Variants in ST8SIA6 observed in about 807,000 individuals in gnomAD.
The protein encoded by ST8SIA6 is alpha-2,8-sialyltransferase 8F.
ST8SIA6 carries 39 observed loss-of-function variants against 33.6 expected under a neutral mutation model. The observed-to-expected ratio is 1.16, with a 90% CI of 0.90 to 1.52. The LOEUF (loss-of-function observed/expected upper bound fraction) is 1.52. Ranked by LOEUF, ST8SIA6 falls within the 40% of genes most tolerant of loss-of-function variation. The probability of loss-of-function intolerance (pLI) is 0.00; values close to 1 mark genes in which losing one functional copy is unlikely to be tolerated. For missense variants in ST8SIA6, 441 were observed against 443.8 expected, an observed-to-expected ratio of 0.99 and a Z score of 0.06; for synonymous variants, 172 against 167.2, an observed-to-expected ratio of 1.03 and a Z score of -0.22.
chr10:17,450,389 C>G (rs1423465377), intron 2 of ST8SIA6, among the ~76,000 whole-genome samples: 1 of 152,188 alleles, frequency 6.6e-6, no homozygotes, highest in African/African-American at 2.4e-5. Context: ...AGTTTCAACT[C>G]TTGACCGCTG....
chr10:17,329,449 G>A (rs1010084954), intron 5 of ST8SIA6, among the ~76,000 whole-genome samples: 2 of 152,098 alleles, frequency 1.3e-5, no homozygotes, highest in African/African-American at 4.8e-5. Flanking sequence ...GGTTATATCT[G>A]CAATGGCTAG....
chr10:17,392,351 C>T (rs1190447949), intron 2 of ST8SIA6, among the ~76,000 whole-genome samples: 2 of 152,012 alleles, frequency 1.3e-5, no homozygotes, highest in African/African-American at 2.4e-5. Flanking sequence ...GTGGGTAGTG[C>T]GTTCAAGGCA....
intron 3 of ST8SIA6, among the ~76,000 whole-genome samples, chr10:17,381,348 G>C (rs1850144974): frequency 6.6e-6 from 1 of 152,086 alleles, no homozygotes; most frequent in Admixed American, 6.5e-5. Flanking sequence ...TAGGAAAAAG[G>C]GGGTGGGGTT....
rs1018658232 is a variant in ST8SIA6, at chr10:17,321,074, A to G, written c.1001T>C (p.Leu334Pro). The G allele has an allele frequency of 1.4e-5, 23 of 1,614,106 alleles. No homozygotes were observed. The highest frequency in any genetic ancestry group is 1.9e-5 in the Non-Finnish European group (23 of 1,179,992). The stretch of plus-strand genomic sequence containing the variant: ...TCCATACAGCTTCACATTTTTACAC[A>G]GTTCCACTGCAACACTTGTGATCAT... ...GLMITSVAVE[L>P]CKNVKLYGFW... Residue 334 changes from leucine to proline, a missense_variant, in exon 8 of 8, where the codon CTG becomes CCG. Coordinates refer to ENST00000377602, the MANE Select transcript of ST8SIA6 (RefSeq NM_001004470.3).
chr10:17,389,210 G>A (rs944926182), intron 3 of ST8SIA6, among the ~76,000 whole-genome samples: 3 of 152,088 alleles, frequency 2.0e-5, no homozygotes, highest in African/African-American at 4.8e-5. Context: ...CCGATCCAAC[G>A]CTCAGGGAGA....
intron 4 of ST8SIA6, among the ~76,000 whole-genome samples, chr10:17,357,837 T>C (rs186725717): frequency 5.9e-5 from 9 of 152,352 alleles, no homozygotes; most frequent in Admixed American, 3.3e-4. Context: ...TTATCTTAGA[T>C]TGATCCTCAA....
chr10:17,399,044 TA>T (rs2131675529), intron 2 of ST8SIA6: 1 of 152,364 alleles, frequency 6.6e-6, no homozygotes, highest in Non-Finnish European at 1.5e-5. Context: ...TTCTGATTTA[TA>T]AATCGTCTTG....
intron 2 of ST8SIA6, among the ~76,000 whole-genome samples, chr10:17,437,180 A>G (rs2131729252): frequency 6.6e-6 from 1 of 152,208 alleles, no homozygotes; most frequent in African/African-American, 2.4e-5. Flanking sequence ...TATATTTGAG[A>G]CAGGGTCTTG....
intron 3 of ST8SIA6, among the ~76,000 whole-genome samples, chr10:17,379,393 T>C (rs879823694): frequency 2.0e-5 from 3 of 152,104 alleles, no homozygotes; most frequent in Non-Finnish European, 4.4e-5. Flanking sequence ...CTTCTTTCAG[T>C]CAAGGATGTA....
At chr10:17,322,394 T>C (rs148686644) in intron 7 of ST8SIA6, among the ~76,000 whole-genome samples, 45 of 152,296 alleles carry the variant, frequency 3.0e-4, no homozygotes, top group African/African-American at 1.0e-3. Context: ...ATGTGTATGA[T>C]TTAAATAACT....
At chr10:17,343,992 T>A (rs969475903) in intron 4 of ST8SIA6, among the ~76,000 whole-genome samples, 1 of 152,182 alleles carries the variant, frequency 6.6e-6, no homozygotes, top group African/African-American at 2.4e-5. Flanking sequence ...CCTGTTGTTG[T>A]CCCCATTTTT....
rs1176185093 is a variant in ST8SIA6 at position 17,315,821 on chromosome 10, C to T, written c.*5057G>A. Reference sequence around the variant, plus strand: ...TTGGGGTAATGAATATATACATTGTCTTAATTGGAGAGACGGTTTCATGGG... The same window carrying T: ...TTGGGGTAATGAATATATACATTGTTTTAATTGGAGAGACGGTTTCATGGG... On this transcript the variant is annotated 3_prime_UTR_variant, in exon 8 of 8. Coordinates refer to ENST00000377602, the MANE Select transcript of ST8SIA6 (RefSeq NM_001004470.3). Among the ~76,000 whole-genome samples, 2 of 151,828 alleles carry T rather than the reference C, an allele frequency of 1.3e-5. No homozygotes were observed. The highest frequency in any genetic ancestry group is 1.3e-4 in the Admixed American group (2 of 15,188).
intron 4 of ST8SIA6, among the ~76,000 whole-genome samples, chr10:17,343,146 C>T (rs1848727983): frequency 6.6e-6 from 1 of 152,168 alleles, no homozygotes; most frequent in Non-Finnish European, 1.5e-5. Flanking sequence ...GACCCCCAGC[C>T]TGTCCTCTTC....
intron 2 of ST8SIA6, among the ~76,000 whole-genome samples, chr10:17,396,330 G>T (rs1013764806): frequency 4.6e-5 from 7 of 152,246 alleles, no homozygotes; most frequent in Non-Finnish European, 7.3e-5. Flanking sequence ...CGGGTGGTTT[G>T]GTGCCTTGGT....
chr10:17,336,871 C>T (rs762045464), intron 4 of ST8SIA6, among the ~76,000 whole-genome samples: 1 of 152,062 alleles, frequency 6.6e-6, no homozygotes, highest in African/African-American at 2.4e-5. Context: ...TGGGATTACA[C>T]GTGTGAGCCA....
chr10:17,401,518 T>C (rs550282045), intron 2 of ST8SIA6, among the ~76,000 whole-genome samples: 1 of 152,306 alleles, frequency 6.6e-6, no homozygotes. Context: ...TCACGCTACC[T>C]GACTTCAAAT....
chr10:17,346,263 G>A (rs895195361), intron 4 of ST8SIA6, among the ~76,000 whole-genome samples: 10 of 152,128 alleles, frequency 6.6e-5, no homozygotes, highest in African/African-American at 9.7e-5. Context: ...CAACTCAGGC[G>A]AGCTCTCAGA....
chr10:17,424,130 G>C (rs1293745662), intron 2 of ST8SIA6, among the ~76,000 whole-genome samples: 1 of 147,562 alleles, frequency 6.8e-6, no homozygotes, highest in Non-Finnish European at 1.5e-5. Flanking sequence ...TTGAGATGGA[G>C]TCTCATTCTG....
chr10:17,440,753 G>A (rs1852454851), intron 2 of ST8SIA6, among the ~76,000 whole-genome samples: 1 of 152,010 alleles, frequency 6.6e-6, no homozygotes, highest in South Asian at 2.1e-4. Context: ...GCTAACCTTG[G>A]GAGGAAGCCT....
Sources: allele counts gnomAD v4.1 joint callset (sites outside exome capture counted in the v4.1 genomes callset), GRCh38; gene constraint gnomAD v4.1.1; transcripts MANE v1.5; gene names NCBI Gene and HGNC (gene_info 2026-07-23, HGNC 2026-07-21).